ZBTB20: variants seen among roughly 807,000 people sequenced by gnomAD.
ZBTB20 encodes the protein zinc finger and BTB domain-containing protein 20.
Under a neutral mutation model 56.9 loss-of-function variants are expected in ZBTB20, and 9 were observed. The observed-to-expected ratio is 0.16, with a 90% confidence interval of 0.10 to 0.28. The LOEUF (loss-of-function observed/expected upper bound fraction) is 0.28. ZBTB20 is among the 10% of genes least tolerant of loss of function. The pLI is 1.00. For synonymous variants in ZBTB20, 417 were observed against 420.7 expected, an observed-to-expected ratio of 0.99 and a Z score of 0.11; for missense variants, 655 against 1,003.0, an observed-to-expected ratio of 0.65 and a Z score of 4.69.
At chr3:114,429,852 G>A (rs1006221413) in intron 7 of ZBTB20, among the ~76,000 whole-genome samples, 14 of 152,118 alleles carry the variant, frequency 9.2e-5, no homozygotes. Context: ...ACGGAAGGAT[G>A]TGCATGGGTT....
chr3:115,020,665 C>T (rs1420370395), intron 2 of ZBTB20, among the ~76,000 whole-genome samples: 1 of 150,860 alleles, frequency 6.6e-6, no homozygotes, highest in Admixed American at 6.6e-5. Flanking sequence ...TAGTCTCTCC[C>T]CTGCCTCATA....
chr3:114,848,716 C>A (rs2074844348), intron 4 of ZBTB20, among the ~76,000 whole-genome samples: 2 of 152,176 alleles, frequency 1.3e-5, no homozygotes, highest in Non-Finnish European at 2.9e-5. Context: ...GTCAATCACC[C>A]ATCTACTAAT....
intron 3 of ZBTB20, among the ~76,000 whole-genome samples, chr3:114,957,891 G>C (rs1281858310): frequency 6.6e-6 from 1 of 152,154 alleles, no homozygotes; most frequent in Non-Finnish European, 1.5e-5. Context: ...CACTGTTCCA[G>C]CTACTTATTC....
intron 6 of ZBTB20, among the ~76,000 whole-genome samples, chr3:114,548,800 T>C (rs996700563): frequency 3.3e-5 from 5 of 152,314 alleles, no homozygotes; most frequent in African/African-American, 9.6e-5. Flanking sequence ...ATTACATGCG[T>C]GAGCCACCAC....
At chr3:114,509,999 G>T (rs1205368449) in intron 6 of ZBTB20, among the ~76,000 whole-genome samples, 1 of 152,042 alleles carries the variant, frequency 6.6e-6, no homozygotes, top group Non-Finnish European at 1.5e-5. Flanking sequence ...AACCACAGCT[G>T]AACGAATCTC....
At position 114,797,494 on chromosome 3, in the gene ZBTB20, C is replaced by A. The variant is rs575856854; in HGVS notation, c.-343+3607G>T. 6.6e-5 allele frequency among the ~76,000 whole-genome samples: 10 copies of A among 151,902 alleles called. No individual in the cohort carries two copies. In the South Asian group the frequency reaches 1.7e-3, roughly 25 times the overall value. On this transcript the variant is annotated intron_variant, in intron 5 of 11. Transcript: ENST00000675478. ...TTCATGGCCTAGAAAAAAATGATAA[C>A]CATTTACTTCCTCTGCTATTCCATA... is the stretch of plus-strand genomic sequence containing the variant.
At chr3:114,941,750 T>C (rs1387336655) in intron 3 of ZBTB20, among the ~76,000 whole-genome samples, 1 of 146,274 alleles carries the variant, frequency 6.8e-6, no homozygotes, top group Non-Finnish European at 1.5e-5. Context: ...GTTGTCCAAA[T>C]AGGTGTGTTT....
At chr3:114,708,264 G>A (rs1051904976) in intron 5 of ZBTB20, among the ~76,000 whole-genome samples, 2 of 152,136 alleles carry the variant, frequency 1.3e-5, no homozygotes, top group African/African-American at 4.8e-5. Flanking sequence ...TGCTATAACT[G>A]GTGGACCAGA....
chr3:114,388,367 CA>C (rs2085410367), intron 8 of ZBTB20: 1 of 152,148 alleles, frequency 6.6e-6, no homozygotes, highest in Non-Finnish European at 1.5e-5. Context: ...TCCCCTACCC[CA>C]AATTATTTCT....
intron 4 of ZBTB20, among the ~76,000 whole-genome samples, chr3:114,804,339 A>G (rs1484652732): frequency 6.6e-6 from 1 of 151,960 alleles, no homozygotes; most frequent in Non-Finnish European, 1.5e-5. Context: ...CCTCACACAG[A>G]AGGAGTTTTA....
intron 3 of ZBTB20, among the ~76,000 whole-genome samples, chr3:114,957,614 A>G (rs1298275769): frequency 6.6e-6 from 1 of 152,178 alleles, no homozygotes; most frequent in Non-Finnish European, 1.5e-5. Flanking sequence ...AATTTCAGCT[A>G]TTCATGGCAG....
chr3:114,608,352 T>C (rs2057320340), intron 6 of ZBTB20, among the ~76,000 whole-genome samples: 1 of 152,206 alleles, frequency 6.6e-6, no homozygotes, highest in African/African-American at 2.4e-5. Context: ...TTGACTAGTT[T>C]CTTGTTTCAG....
intron 1 of ZBTB20, among the ~76,000 whole-genome samples, chr3:115,074,462 G>A (rs991956462): frequency 1.1e-4 from 16 of 151,946 alleles, no homozygotes; most frequent in African/African-American, 3.9e-4. Context: ...GTACAAAAAA[G>A]GTAACTAACT....
intron 3 of ZBTB20, among the ~76,000 whole-genome samples, chr3:114,903,106 G>C (rs1402890349): frequency 6.6e-6 from 1 of 152,122 alleles, no homozygotes; most frequent in Non-Finnish European, 1.5e-5. Flanking sequence ...CTGGGGCTCA[G>C]AGTTCTGGGA....
intron 6 of ZBTB20, among the ~76,000 whole-genome samples, chr3:114,585,012 G>A (rs1023208980): frequency 6.6e-6 from 1 of 152,014 alleles, no homozygotes; most frequent in Non-Finnish European, 1.5e-5. Flanking sequence ...ATCAACAAAG[G>A]CAAAACACCA....
chr3:114,366,079 G>A (rs567579573), intron 10 of ZBTB20, among the ~76,000 whole-genome samples: 1 of 152,306 alleles, frequency 6.6e-6, no homozygotes, highest in South Asian at 2.1e-4. Context: ...CTCCTAATTT[G>A]TGTAAGCACT....
At chr3:114,713,048 G>A (rs937753269) in intron 5 of ZBTB20, among the ~76,000 whole-genome samples, 2 of 152,136 alleles carry the variant, frequency 1.3e-5, no homozygotes, top group Non-Finnish European at 2.9e-5. Flanking sequence ...GGCATTACTA[G>A]GTTATAAGAT....
At chr3:114,433,225 G>A (rs536946461) in intron 7 of ZBTB20, among the ~76,000 whole-genome samples, 41 of 152,314 alleles carry the variant, frequency 2.7e-4, no homozygotes, top group African/African-American at 9.9e-4. Flanking sequence ...CTAAGCTCAA[G>A]TCAGGAACCA....
intron 1 of ZBTB20, among the ~76,000 whole-genome samples, chr3:115,110,115 G>A (rs1382695222): frequency 6.6e-6 from 1 of 152,068 alleles, no homozygotes; most frequent in Non-Finnish European, 1.5e-5. Flanking sequence ...GGGAGGCTGA[G>A]GCAAGAGAAT....
Sources: allele counts gnomAD v4.1 joint callset (sites outside exome capture counted in the v4.1 genomes callset), GRCh38; gene constraint gnomAD v4.1.1; transcripts MANE v1.5; gene names NCBI Gene and HGNC (gene_info 2026-07-23, HGNC 2026-07-21).